Variants in UTRN observed in about 807,000 individuals in gnomAD.
The protein encoded by UTRN is dystrophin-related protein 1.
In UTRN, 283 loss-of-function variants were observed where a neutral mutation model predicts 463.9. The ratio of observed to expected loss-of-function variants is 0.61; its 90% CI spans 0.55 to 0.67. The LOEUF (loss-of-function observed/expected upper bound fraction) is 0.67. Among genes scored for constraint, UTRN ranks in the 30% least tolerant of loss-of-function variants. The probability of loss-of-function intolerance (pLI) is 0.00; values close to 1 mark genes in which losing one functional copy is unlikely to be tolerated. For synonymous variants in UTRN, 1,442 were observed against 1,431.5 expected (o/e 1.01, Z -0.17); for missense variants, 3,922 against 4,084.3 (o/e 0.96, Z 1.08).
chr6:144,355,058 C>T (rs1339275261), intron 2 of UTRN, among the ~76,000 whole-genome samples: 1 of 151,918 alleles, frequency 6.6e-6, no homozygotes, highest in African/African-American at 2.4e-5. Context: ...TGTTGTAGTT[C>T]AGTGAATGAG....
chr6:144,388,739 C>T (rs2114758519), intron 2 of UTRN, among the ~76,000 whole-genome samples: 1 of 152,214 alleles, frequency 6.6e-6, no homozygotes, highest in Admixed American at 6.5e-5. Flanking sequence ...GTGGCTCAAG[C>T]AGTCCACCCA....
intron 51 of UTRN, among the ~76,000 whole-genome samples, chr6:144,672,948 G>A (rs1781204094): frequency 6.6e-6 from 1 of 152,044 alleles, no homozygotes; most frequent in Non-Finnish European, 1.5e-5. Context: ...TTCAGGAGCA[G>A]ATTATTTAAT....
At position 144,514,612 on chromosome 6, in the gene UTRN, T is replaced by G. The variant is rs759174040; in HGVS notation, c.5074-38T>G. The G allele has an allele frequency of 1.9e-6, 3 of 1,604,146 alleles. No homozygotes were observed. The Admixed American group carries it at 5.1e-5, about 27-fold the overall frequency. On this transcript the variant is annotated intron_variant, in intron 36 of 74. Transcript: ENST00000367545. ...CATCACACTCATGTTTGGGTTTGAT[T>G]TTTCCCATGAGATAATTTTGTGTTT...
intron 51 of UTRN, among the ~76,000 whole-genome samples, chr6:144,675,137 C>T (rs1394704901): frequency 1.3e-5 from 2 of 152,130 alleles, no homozygotes; most frequent in Non-Finnish European, 2.9e-5. Context: ...ATTCTTTTGC[C>T]CCATAAGATG....
chr6:144,325,267 G>T (rs1444428209), intron 2 of UTRN, among the ~76,000 whole-genome samples: 1 of 152,246 alleles, frequency 6.6e-6, no homozygotes, highest in Non-Finnish European at 1.5e-5. Context: ...TAGGTCATGA[G>T]AGCTCTGCTC....
In UTRN at chr6:144,639,400, C is replaced by G. The variant is rs116820742; in HGVS notation, c.7480-39006C>G. 4.0e-3 allele frequency among the ~76,000 whole-genome samples: 608 copies of G among 152,228 alleles called. 7 individuals carry two copies. Among genetic ancestry groups the G allele is most frequent in the African/African-American group, 0.013 (522 of 41,554 alleles). On this transcript the variant is annotated intron_variant, in intron 51 of 74. Coordinates refer to ENST00000367545, the MANE Select transcript of UTRN (RefSeq NM_007124.3). ...ATCTCTTTCATTTTCACTGGATATA[C>G]TCTTCCCAGGCTTCCCAGGCTTCTG...
chr6:144,386,414 A>G (rs1360913721), intron 2 of UTRN, among the ~76,000 whole-genome samples: 1 of 152,164 alleles, frequency 6.6e-6, no homozygotes, highest in East Asian at 1.9e-4. Context: ...AGCCGTGATC[A>G]TACTACTGCA....
intron 61 of UTRN, among the ~76,000 whole-genome samples, chr6:144,787,387 C>T (rs992430860): frequency 1.3e-5 from 2 of 152,070 alleles, no homozygotes; most frequent in African/African-American, 4.8e-5. Flanking sequence ...CTTAGAAGGG[C>T]TATGTTTATT....
Position 144,437,634 on chromosome 6 carries a change from A to G in UTRN, c.1129A>G (p.Ile377Val). The G allele has an allele frequency of 6.2e-7, 1 of 1,614,146 alleles. No homozygotes were observed. Among genetic ancestry groups the G allele is most frequent in the South Asian group, 1.1e-5 (1 of 91,078 alleles). Reference protein sequence around the residue: ...GSVLQAGNQLITQGTLSDEEE... With the variant: ...GSVLQAGNQLVTQGTLSDEEE... The stretch of plus-strand genomic sequence containing the variant: ...CGTCCTGCAGGCAGGCAACCAACTG[A>G]TAACACAAGGAACTCTGTCAGACGA... The change falls in exon 11 of 75, where the codon ATA (isoleucine) becomes GTA (valine). Residue 377 changes from isoleucine to valine, a missense_variant. Physicochemically the swap from Ile to Val is conservative, Grantham distance 29 (BLOSUM62 3). Transcript: ENST00000367545.
At chr6:144,562,861 A>G (rs557397256) in intron 50 of UTRN, among the ~76,000 whole-genome samples, 1 of 152,252 alleles carries the variant, frequency 6.6e-6, no homozygotes, top group East Asian at 1.9e-4. Flanking sequence ...CCTCACCAGC[A>G]TCTGTTGTTT....
At chr6:144,588,312 T>C (rs1020487377) in intron 51 of UTRN, among the ~76,000 whole-genome samples, 2 of 152,202 alleles carry the variant, frequency 1.3e-5, no homozygotes, top group African/African-American at 4.8e-5. Flanking sequence ...AGTTATCCAA[T>C]TAACTAACAT....
chr6:144,488,899 A>G (rs917947739), intron 30 of UTRN, 65 bp downstream of exon 30: 14 of 1,413,118 alleles, frequency 9.9e-6, no homozygotes, highest in Middle Eastern at 2.2e-4. Flanking sequence ...CTCCTCAACT[A>G]TAAGAGAACC....
rs1363751227 is a variant in UTRN at position 144,526,690 on chromosome 6, A to G, written c.5906+3502A>G. On this transcript the variant is annotated intron_variant, in intron 41 of 74. Coordinates refer to ENST00000367545, the MANE Select transcript of UTRN (RefSeq NM_007124.3). Reference sequence around the variant, plus strand: ...TAGGCCATTTACATTGAATGTTATTATTGAGATATGAGGTACTATTCTATT... The same window carrying G: ...TAGGCCATTTACATTGAATGTTATTGTTGAGATATGAGGTACTATTCTATT... Among the ~76,000 whole-genome samples, 3 of 148,340 alleles carry G rather than the reference A, an allele frequency of 2.0e-5. No individual in the cohort carries two copies. The East Asian group carries it at 5.8e-4, about 29-fold the overall frequency.
intron 50 of UTRN, among the ~76,000 whole-genome samples, chr6:144,564,792 G>T (rs533127702): frequency 6.6e-6 from 1 of 152,146 alleles, no homozygotes; most frequent in Non-Finnish European, 1.5e-5. Flanking sequence ...TCTCTCCCTT[G>T]ACACATGGGG....
At chr6:144,682,619 T>C (rs1782317784) in intron 52 of UTRN, among the ~76,000 whole-genome samples, 1 of 152,152 alleles carries the variant, frequency 6.6e-6, no homozygotes, top group Admixed American at 6.5e-5. Flanking sequence ...AAGGGTTCCT[T>C]TTTCTCCACA....
At chr6:144,352,089 G>A (rs966894697) in intron 2 of UTRN, among the ~76,000 whole-genome samples, 4 of 152,086 alleles carry the variant, frequency 2.6e-5, no homozygotes, top group Non-Finnish European at 5.9e-5. Flanking sequence ...TCTTTCTGGT[G>A]TTAGTAGCTC....
chr6:144,344,799 G>C (rs749766794), intron 2 of UTRN, among the ~76,000 whole-genome samples: 26 of 152,222 alleles, frequency 1.7e-4, no homozygotes, highest in Non-Finnish European at 2.9e-4. Flanking sequence ...TTTGTACTTT[G>C]GGGGACAGTA....
intron 51 of UTRN, among the ~76,000 whole-genome samples, chr6:144,596,961 A>G (rs968626533): frequency 6.6e-6 from 1 of 152,156 alleles, no homozygotes; most frequent in Non-Finnish European, 1.5e-5. Flanking sequence ...TGCCTTGGCT[A>G]GGCACAGTGG....
At chr6:144,720,975 A>G (rs772303704) in intron 53 of UTRN, among the ~76,000 whole-genome samples, 4 of 152,116 alleles carry the variant, frequency 2.6e-5, no homozygotes, top group Non-Finnish European at 4.4e-5. Flanking sequence ...TATATATTGT[A>G]TATATTTGTA....
Sources: gnomAD v4.1 joint callset for allele counts (sites outside exome capture counted in the v4.1 genomes callset) on GRCh38, gnomAD v4.1.1 for gene constraint, MANE v1.5 for transcripts, NCBI Gene and HGNC (gene_info 2026-07-23, HGNC 2026-07-21) for gene names.